The following RAB21 variants were observed in gnomAD, a reference collection of about 807,000 sequenced individuals.
RAB21 encodes ras-related protein Rab-21.
A neutral mutation model predicts 33.1 loss-of-function variants in RAB21; 13 were observed. The observed-to-expected ratio is 0.39, with a 90% confidence interval of 0.26 to 0.62. RAB21 has a LOEUF of 0.62. RAB21 is among the 20% of genes least tolerant of loss of function. The pLI is 0.48. For synonymous variants in RAB21, 91 were observed against 103.7 expected (o/e 0.88, Z 0.74); for missense variants, 234 against 279.1 (o/e 0.84, Z 1.15).
At position 71,794,641 on chromosome 12, in the gene RAB21, T is replaced by G. The variant is rs1168766441; in HGVS notation, c.*8968T>G. 3 of 145,768 alleles carry G rather than the reference T, an allele frequency of 2.1e-5. No individual in the cohort carries two copies. The highest frequency in any genetic ancestry group is 1.4e-4 in the Admixed American group (2 of 14,600). 9.0% of individuals were successfully genotyped at this position (145,768 alleles called of 1,614,324 possible). On this transcript the variant is annotated 3_prime_UTR_variant, in exon 7 of 7. Coordinates refer to ENST00000261263, the MANE Select transcript of RAB21 (RefSeq NM_014999.4). ...TTTTGGTAGAGATGGGGTTTCACCGTGTTAGCCAGGATGGTCTCTATCTCC... is the reference window on the plus strand; with the variant it reads ...TTTTGGTAGAGATGGGGTTTCACCGGGTTAGCCAGGATGGTCTCTATCTCC...
intron 3 of RAB21, among the ~76,000 whole-genome samples, chr12:71,771,787 A>ACTGGGTG (rs1883045736): frequency 6.6e-6 from 1 of 152,108 alleles, no homozygotes. Flanking sequence ...CAGCCCAGCC[A>ACTGGGTG]ACATGGTGAA....
chr12:71,760,294 G>A (rs1882851938), intron 1 of RAB21, among the ~76,000 whole-genome samples: 1 of 152,002 alleles, frequency 6.6e-6, no homozygotes, highest in Non-Finnish European at 1.5e-5. Flanking sequence ...TGGTGTTTTA[G>A]TGTGGCTCTC....
chr12:71,798,843 C>G lies in RAB21; in HGVS notation c.*13170C>G, dbSNP rs1186673554. On this transcript the variant is annotated 3_prime_UTR_variant, in exon 7 of 7. Transcript: ENST00000261263. ...TCTGAATTTATTTACCCAATGTACT[C>G]TTCAAGTTGCAGAGGCTGAGAAATT... The G allele has an allele frequency of 6.6e-6, 1 of 152,220 alleles. No individual in the cohort carries two copies. The highest frequency in any genetic ancestry group is 1.5e-5 in the Non-Finnish European group (1 of 68,034). 9.4% of individuals were successfully genotyped at this position (152,220 alleles called of 1,614,324 possible). A position where few individuals can be genotyped will look rare whatever the true frequency, so the allele number is the denominator to read the frequency against.
intron 6 of RAB21, among the ~76,000 whole-genome samples, chr12:71,783,436 GAA>G (rs1883231884): frequency 6.6e-6 from 1 of 151,400 alleles, no homozygotes; most frequent in Non-Finnish European, 1.5e-5. Context: ...CTCTAGAAAA[GAA>G]TATTGATATG....
chr12:71,773,752 G>C (rs769007863), intron 3 of RAB21, among the ~76,000 whole-genome samples: 12 of 152,084 alleles, frequency 7.9e-5, no homozygotes, highest in South Asian at 2.1e-4. Flanking sequence ...TTGCTTCTGT[G>C]TATTTTTCCA....
intron 4 of RAB21, among the ~76,000 whole-genome samples, chr12:71,775,560 G>A (rs1226587259): frequency 1.3e-5 from 2 of 151,820 alleles, no homozygotes; most frequent in Non-Finnish European, 2.9e-5. Context: ...TTCTTGAGAC[G>A]GAGTCTCGCT....
Position 71,755,360 on chromosome 12 carries a change from C to A in RAB21, c.159+72C>A, listed in dbSNP as rs140994257. ...CTCCGGGGCTGGGGAAACTTTGCCGCCCTGGTCCCCTGGATGTAGGCTGGC... is the reference window on the plus strand; with the variant it reads ...CTCCGGGGCTGGGGAAACTTTGCCGACCTGGTCCCCTGGATGTAGGCTGGC... On this transcript the variant is annotated intron_variant, in intron 1 of 6. Transcript: ENST00000261263. 4,061 of 1,398,894 alleles carry A rather than the reference C, an allele frequency of 2.9e-3. 98 individuals carry two copies. In the African/African-American group the frequency reaches 0.056, roughly 19 times the overall value. The allele number at this position is 1,398,894 out of a possible 1,614,324, so 86.7% of individuals were successfully genotyped here.
intron 1 of RAB21, among the ~76,000 whole-genome samples, chr12:71,761,408 G>A (rs1882870367): frequency 6.6e-6 from 1 of 152,126 alleles, no homozygotes; most frequent in Non-Finnish European, 1.5e-5. Context: ...GCCGGGCATG[G>A]TGGCTCACAC....
intron 4 of RAB21, among the ~76,000 whole-genome samples, chr12:71,781,126 A>G (rs567722766): frequency 1.3e-5 from 2 of 152,322 alleles, no homozygotes; most frequent in South Asian, 2.1e-4. Flanking sequence ...TGCATGATAT[A>G]CATATATTAA....
chr12:71,760,341 G>A (rs1392678678), intron 1 of RAB21, among the ~76,000 whole-genome samples: 1 of 152,026 alleles, frequency 6.6e-6, no homozygotes, highest in Non-Finnish European at 1.5e-5. Context: ...TGATAGTTAC[G>A]GAGTAATCCT....
chr12:71,776,059 G>C (rs981560663), intron 4 of RAB21, among the ~76,000 whole-genome samples: 2 of 152,150 alleles, frequency 1.3e-5, no homozygotes, highest in Admixed American at 1.3e-4. Context: ...CAGCTAATCA[G>C]TACTGAGTTT....
At chr12:71,780,387 G>T (rs1409223908) in intron 4 of RAB21, among the ~76,000 whole-genome samples, 1 of 152,186 alleles carries the variant, frequency 6.6e-6, no homozygotes, top group African/African-American at 2.4e-5. Context: ...TTTCCTGTTT[G>T]TTGGAGCCAC....
Position 71,785,818 on chromosome 12 carries a change from G to T in RAB21, c.*145G>T. ...TTTAAATTACGTTTATAACACTGCA[G>T]AGACCTTAAGTGCTAAACTTAGTGG... On this transcript the variant is annotated 3_prime_UTR_variant, in exon 7 of 7. Transcript: ENST00000261263. The T allele has an allele frequency of 1.2e-6, 1 of 850,172 alleles. No homozygotes were observed. The highest frequency in any genetic ancestry group is 1.8e-6 in the Non-Finnish European group (1 of 565,452). 52.7% of individuals were successfully genotyped at this position (850,172 alleles called of 1,614,324 possible).
In RAB21 at chr12:71,796,770, C is replaced by A. The variant is rs1883468083; in HGVS notation, c.*11097C>A. On this transcript the variant is annotated 3_prime_UTR_variant, in exon 7 of 7. Transcript: ENST00000261263. ...TTGAGTATCATCAAGAACATTTAAT[C>A]AAACCTGTTGACTAAGAGCTTTAGT... The A allele has an allele frequency of 1.3e-5, 2 of 151,182 alleles. No homozygotes were observed. The highest frequency in any genetic ancestry group is 2.0e-4 in the East Asian group (1 of 5,078). 9.4% of individuals were successfully genotyped at this position (151,182 alleles called of 1,614,324 possible).
chr12:71,786,389 G>T lies in RAB21; in HGVS notation c.*716G>T, dbSNP rs1223167857. The T allele has an allele frequency of 1.3e-5, 2 of 152,618 alleles. No individual in the cohort carries two copies. The highest frequency in any genetic ancestry group is 3.9e-4 in the East Asian group (2 of 5,184). The allele number at this position is 152,618 out of a possible 1,614,324, so 9.5% of individuals were successfully genotyped here. On this transcript the variant is annotated 3_prime_UTR_variant, in exon 7 of 7. Coordinates refer to ENST00000261263, the MANE Select transcript of RAB21 (RefSeq NM_014999.4). The stretch of plus-strand genomic sequence containing the variant: ...TTGCAGCCCTTTGTATTTTGTGGTA[G>T]TTGAAATTGTATCACTTCTAAACAG...
chr12:71,771,993 G>A (rs1171965029), intron 3 of RAB21, among the ~76,000 whole-genome samples: 1 of 151,110 alleles, frequency 6.6e-6, no homozygotes, highest in African/African-American at 2.5e-5. Context: ...AAAAAAGATC[G>A]AGTCATTTAG....
rs1883348171 is a variant in RAB21 at position 71,789,502 on chromosome 12, CT to C, written c.*3830del. On this transcript the variant is annotated 3_prime_UTR_variant, in exon 7 of 7. Coordinates refer to ENST00000261263, the MANE Select transcript of RAB21 (RefSeq NM_014999.4). ...GCCACTGTAGAGTTTTCAGTTTTCT[CT>C]GTAGATTCAGTGTGACAAAGAGGGA... 6.6e-6 allele frequency: 1 copy of C among 152,016 alleles called. No individual in the cohort carries two copies. The highest frequency in any genetic ancestry group is 1.5e-5 in the Non-Finnish European group (1 of 67,944). 9.4% of individuals were successfully genotyped at this position (152,016 alleles called of 1,614,324 possible). A position where few individuals can be genotyped will look rare whatever the true frequency, so the allele number is the denominator to read the frequency against.
chr12:71,769,817 G>C lies in RAB21; in HGVS notation c.177G>C (p.Lys59Asn), dbSNP rs1883014715. 7.2e-7 allele frequency: 1 copy of C among 1,392,350 alleles called. No individual in the cohort carries two copies. Among genetic ancestry groups the C allele is most frequent in the African/African-American group, 1.5e-5 (1 of 67,022 alleles). The allele number at this position is 1,392,350 out of a possible 1,614,324, so 86.2% of individuals were successfully genotyped here. ...ITTLQASFLT[K>N]KLNIGGKRVN... is the part of the protein sequence containing the mutation. Reference sequence around the variant, plus strand: ...CTTTTTAGGCATCATTCTTAACAAAGAAGTTAAATATTGGTGGGAAAAGAG... The same window carrying C: ...CTTTTTAGGCATCATTCTTAACAAACAAGTTAAATATTGGTGGGAAAAGAG... The change falls in exon 2 of 7, where the codon AAG becomes AAC. Residue 59 changes from lysine to asparagine, a missense_variant. Transcript: ENST00000261263.
chr12:71,776,712 T>TAA (rs879933987), intron 4 of RAB21, among the ~76,000 whole-genome samples: 1 of 140,908 alleles, frequency 7.1e-6, no homozygotes. Flanking sequence ...GTCTCCCGTT[T>TAA]AAAAAAAAAA....
Sources: gnomAD v4.1 joint callset for allele counts (sites outside exome capture counted in the v4.1 genomes callset) on GRCh38, gnomAD v4.1.1 for gene constraint, MANE v1.5 for transcripts, NCBI Gene and HGNC (gene_info 2026-07-23, HGNC 2026-07-21) for gene names.